USP30: variants seen among roughly 807,000 people sequenced by gnomAD.
USP30 encodes ubiquitin specific peptidase 30.
In USP30, 41 loss-of-function variants were observed where a neutral mutation model predicts 68.2. The ratio of observed to expected loss-of-function variants is 0.60; its 90% CI spans 0.47 to 0.78. USP30 has a LOEUF of 0.78. Ranked by LOEUF, USP30 falls within the 30% of genes least tolerant of loss-of-function variation. The probability of loss-of-function intolerance (pLI) is 0.00; values close to 1 mark genes in which losing one functional copy is unlikely to be tolerated. For missense variants in USP30, 522 were observed against 649.4 expected (o/e 0.80, Z 2.13); for synonymous variants, 229 against 253.7 (o/e 0.90, Z 0.93).
At chr12:109,047,194 C>G (rs981410121) in intron 3 of USP30, among the ~76,000 whole-genome samples, 4 of 151,874 alleles carry the variant, frequency 2.6e-5, no homozygotes, top group African/African-American at 7.3e-5. Context: ...CCGAGGAAAC[C>G]CTTCTTATGT....
intron 4 of USP30, among the ~76,000 whole-genome samples, chr12:109,068,326 T>G (rs2041325466): frequency 6.6e-6 from 1 of 152,104 alleles, no homozygotes; most frequent in Non-Finnish European, 1.5e-5. Flanking sequence ...GCCGCCACTA[T>G]CCAGAGAAAT....
intron 2 of USP30, among the ~76,000 whole-genome samples, chr12:109,025,791 G>A (rs781296533): frequency 1.7e-4 from 26 of 151,722 alleles, no homozygotes; most frequent in Admixed American, 2.6e-4. Context: ...CAGCTCTAGC[G>A]ATTCTCCCAC....
chr12:109,060,716 G>A (rs1245815058), intron 3 of USP30, among the ~76,000 whole-genome samples: 2 of 151,936 alleles, frequency 1.3e-5, no homozygotes, highest in African/African-American at 2.4e-5. Context: ...ATGCAGTGGC[G>A]GGATCTCGGC....
intron 3 of USP30, among the ~76,000 whole-genome samples, chr12:109,030,255 G>C (rs930674234): frequency 1.3e-5 from 2 of 152,110 alleles, no homozygotes; most frequent in East Asian, 3.9e-4. Flanking sequence ...TTCCCTCTTT[G>C]AGTCTCAGTT....
At chr12:109,078,241 T>C (rs1216247957) in intron 7 of USP30, among the ~76,000 whole-genome samples, 1 of 151,946 alleles carries the variant, frequency 6.6e-6, no homozygotes, top group Non-Finnish European at 1.5e-5. Flanking sequence ...ATGGCCAACA[T>C]GGTGAAACCC....
At position 109,081,996 on chromosome 12, in the gene USP30, G is replaced by A. The variant is rs749468513; in HGVS notation, c.844G>A (p.Val282Ile). ...HFISSESVRD[V>I]VCDNCTKIEA... ...CATCTCATCAGAATCAGTGCGGGAT[G>A]TTGTGTGTGACAACTGTACAAAGGT... Residue 282 changes from valine (V) to isoleucine (I), a missense_variant, in exon 9 of 13, where the codon GTT (valine) becomes ATT (isoleucine). Val to Ile is a conservative substitution (Grantham distance 29, BLOSUM62 3). Transcript: ENST00000257548. 2.5e-6 allele frequency: 4 copies of A among 1,614,234 alleles called. No homozygotes were observed. Among genetic ancestry groups the A allele is most frequent in the South Asian group, 1.1e-5 (1 of 91,084 alleles).
At chr12:109,031,843 C>A (rs1477878117) in intron 3 of USP30, among the ~76,000 whole-genome samples, 1 of 152,138 alleles carries the variant, frequency 6.6e-6, no homozygotes, top group African/African-American at 2.4e-5. Flanking sequence ...ATTACTCGGG[C>A]TTGTAATCCT....
Position 109,052,767 on chromosome 12 carries a change from AT to A in USP30, c.83+10del, listed in dbSNP as rs1358803384. On this transcript the variant is annotated splice_region_variant and intron_variant, in intron 1 of 12. Coordinates refer to ENST00000257548, the MANE Select transcript of USP30 (RefSeq NM_032663.5). ...CGGACCGGGGCGGCCGTCAGGTGAG[AT>A]TTTGGGGGGCGGGGCTGCCGAAGAG... The A allele has an allele frequency of 2.1e-6, 3 of 1,445,234 alleles. No individual in the cohort carries two copies. Among genetic ancestry groups the A allele is most frequent in the Admixed American group, 2.8e-5 (1 of 36,016 alleles). The allele number at this position is 1,445,234 out of a possible 1,614,324, so 89.5% of individuals were successfully genotyped here.
At chr12:109,049,913 A>G (rs1287890616), upstream of USP30, among the ~76,000 whole-genome samples, 3 of 152,252 alleles carry the variant, frequency 2.0e-5, no homozygotes. Flanking sequence ...AAATGGTGCC[A>G]ATAGACTTGC....
In USP30 at chr12:109,085,697, A is replaced by G. The variant is rs760008373; in HGVS notation, c.1320A>G (p.Ala440=). 1 of 1,614,224 alleles carries G rather than the reference A, an allele frequency of 6.2e-7. No homozygotes were observed. The highest frequency in any genetic ancestry group is 8.5e-7 in the Non-Finnish European group (1 of 1,180,036). Residue 440 remains alanine (A), a synonymous_variant, in exon 13 of 13, where the codon GCA becomes GCG. Coordinates refer to ENST00000257548, the MANE Select transcript of USP30 (RefSeq NM_032663.5). ...CCACATACCTCTTCCGGCTGATGGC[A>G]GTTGTCGTCCACCATGGAGACATGC... ...SSSTYLFRLM[A]VVVHHGDMHS... is the part of the protein sequence containing the mutation.
intron 1 of USP30, chr12:109,054,011 ACCTGC>A: frequency 2.2e-6 from 1 of 455,778 alleles, no homozygotes; most frequent in African/African-American, 2.0e-5. Flanking sequence ...TGATAGTAGA[ACCTGC>A]ATCTGTGGGG....
intron 7 of USP30, among the ~76,000 whole-genome samples, chr12:109,079,333 C>CTTTTTTTTTTTTTTTTTTTTTT (rs2041711530): frequency 2.9e-5 from 1 of 34,578 alleles, no homozygotes; most frequent in Non-Finnish European, 6.7e-5. Flanking sequence ...TTTTTCTTTT[C>CTTTTTTTTTTTTTTTTTTTTTT]TTTTTCTTTT....
chr12:109,025,319 CTTATAT>C (rs1432555127), intron 2 of USP30, among the ~76,000 whole-genome samples: 1 of 151,736 alleles, frequency 6.6e-6, no homozygotes, highest in Non-Finnish European at 1.5e-5. Flanking sequence ...TGAGAGATAC[CTTATAT>C]TTATATCTAT....
chr12:109,039,119 T>G (rs2040543955), intron 3 of USP30, among the ~76,000 whole-genome samples: 1 of 152,154 alleles, frequency 6.6e-6, no homozygotes, highest in African/African-American at 2.4e-5. Flanking sequence ...AATGTATCAG[T>G]TTTTTCTTTT....
chr12:109,038,710 T>A (rs2040540192), intron 3 of USP30, among the ~76,000 whole-genome samples: 1 of 152,220 alleles, frequency 6.6e-6, no homozygotes, highest in East Asian at 1.9e-4. Context: ...TTTTCCAAAG[T>A]ATATTATTTT....
In USP30 at chr12:109,081,411, G is replaced by A; in HGVS notation, c.780+18G>A. On this transcript the variant is annotated intron_variant, in intron 8 of 12. Coordinates refer to ENST00000257548, the MANE Select transcript of USP30 (RefSeq NM_032663.5). ...CCACATGGGTATGTACTGATTTATGGTTTATTTGGAGTCTGTTTCAGAAAC... is the reference window on the plus strand; with the variant it reads ...CCACATGGGTATGTACTGATTTATGATTTATTTGGAGTCTGTTTCAGAAAC... 1.2e-6 allele frequency: 2 copies of A among 1,612,952 alleles called. No individual in the cohort carries two copies. The highest frequency in any genetic ancestry group is 1.1e-5 in the South Asian group (1 of 90,796).
intron 7 of USP30, among the ~76,000 whole-genome samples, chr12:109,075,536 G>C (rs1259066366): frequency 6.6e-6 from 1 of 152,148 alleles, no homozygotes; most frequent in African/African-American, 2.4e-5. Flanking sequence ...ATTTTTAGTA[G>C]AGATCGGGTT....
intron 3 of USP30, among the ~76,000 whole-genome samples, chr12:109,041,969 A>T (rs1001021252): frequency 8.5e-5 from 13 of 152,280 alleles, no homozygotes; most frequent in Admixed American, 8.5e-4. Flanking sequence ...TTTTTTAATT[A>T]TAAAAAAATT....
At chr12:109,069,788 G>A (rs1049876065) in intron 4 of USP30, among the ~76,000 whole-genome samples, 13 of 152,284 alleles carry the variant, frequency 8.5e-5, no homozygotes, top group African/African-American at 2.4e-4. Context: ...AAGCTACAGG[G>A]GGAGACTGCT....
Sources: gnomAD v4.1 joint callset for allele counts (sites outside exome capture counted in the v4.1 genomes callset) on GRCh38, gnomAD v4.1.1 for gene constraint, MANE v1.5 for transcripts, NCBI Gene and HGNC (gene_info 2026-07-23, HGNC 2026-07-21) for gene names.